The following OSBPL6 variants were observed in gnomAD, a reference collection of about 807,000 sequenced individuals.
The protein encoded by OSBPL6 is oxysterol-binding protein-related protein 6.
OSBPL6 carries 49 observed loss-of-function variants against 125.8 expected under a neutral mutation model. That is an observed-to-expected ratio of 0.39 (90% confidence interval 0.31 to 0.49). OSBPL6 has a LOEUF of 0.49. Ranked by LOEUF, OSBPL6 falls within the 20% of genes least tolerant of loss-of-function variation. OSBPL6 has a pLI of 0.88. For synonymous variants in OSBPL6, 394 were observed against 391.8 expected (o/e 1.01, Z -0.07); for missense variants, 986 against 1,135.4 (o/e 0.87, Z 1.89).
rs767140580 is a variant in OSBPL6 at position 178,221,305 on chromosome 2, G to GT, written c.-351+26632dup. 4.7e-4 allele frequency among the ~76,000 whole-genome samples: 72 copies of GT among 152,258 alleles called. 1 individual carries two copies. The highest frequency in any genetic ancestry group is 3.4e-3 in the Middle Eastern group (1 of 294). The stretch of plus-strand genomic sequence containing the variant: ...TTGTTTAAATTTGGGTGACCACAGG[G>GT]TATTGTCAGCTATTTTAGTGTAGGG... On this transcript the variant is annotated intron_variant, in intron 1 of 24. Coordinates refer to ENST00000190611, the MANE Select transcript of OSBPL6 (RefSeq NM_032523.4).
chr2:178,276,593 G>A (rs1366479710), intron 1 of OSBPL6, among the ~76,000 whole-genome samples: 8 of 151,834 alleles, frequency 5.3e-5, no homozygotes, highest in Admixed American at 1.3e-4. Context: ...GGCTGGTCTC[G>A]AACTCCTGAC....
At chr2:178,211,722 G>A (rs918190856) in intron 1 of OSBPL6, among the ~76,000 whole-genome samples, 6 of 152,054 alleles carry the variant, frequency 3.9e-5, no homozygotes, top group Admixed American at 2.6e-4. Context: ...GTCCCTTATT[G>A]CTGCCCTACC....
At chr2:178,209,255 G>A (rs1022618785) in intron 1 of OSBPL6, among the ~76,000 whole-genome samples, 5 of 151,790 alleles carry the variant, frequency 3.3e-5, no homozygotes, top group African/African-American at 2.4e-5. Flanking sequence ...GGATTCATTG[G>A]TTCTTTAATT....
intron 1 of OSBPL6, among the ~76,000 whole-genome samples, chr2:178,213,891 T>C (rs528525528): frequency 2.6e-5 from 4 of 152,336 alleles, no homozygotes; most frequent in African/African-American, 7.2e-5. Context: ...TACTGCCTGC[T>C]TGCCCTTCTC....
chr2:178,253,148 A>C (rs936837280), intron 1 of OSBPL6, among the ~76,000 whole-genome samples: 3 of 151,950 alleles, frequency 2.0e-5, no homozygotes, highest in African/African-American at 7.3e-5. Flanking sequence ...CGGCCTCCTG[A>C]GTAGCTGGGA....
chr2:178,387,669 G>A (rs1286585816), intron 20 of OSBPL6, among the ~76,000 whole-genome samples: 1 of 152,202 alleles, frequency 6.6e-6, no homozygotes, highest in Non-Finnish European at 1.5e-5. Flanking sequence ...AGAAGGTGAA[G>A]AGAGGGAGGT....
chr2:178,279,271 G>T (rs1683888910), intron 1 of OSBPL6, among the ~76,000 whole-genome samples: 1 of 152,184 alleles, frequency 6.6e-6, no homozygotes, highest in Non-Finnish European at 1.5e-5. Flanking sequence ...AGAGGAATGT[G>T]CGGGGAATGC....
intron 1 of OSBPL6, among the ~76,000 whole-genome samples, 193 bp from the exon 2 acceptor site, chr2:178,284,734 G>A (rs554106159): frequency 1.9e-4 from 29 of 152,310 alleles, no homozygotes; most frequent in African/African-American, 6.5e-4. Context: ...TACTGAGAAG[G>A]TCAGTGGTTA....
chr2:178,247,208 T>C (rs1435942674), intron 1 of OSBPL6, among the ~76,000 whole-genome samples: 1 of 152,192 alleles, frequency 6.6e-6, no homozygotes, highest in Non-Finnish European at 1.5e-5. Context: ...TTTGTCTATT[T>C]GTTTTGTTTT....
chr2:178,354,235 A>G (rs1247165953), intron 12 of OSBPL6, among the ~76,000 whole-genome samples: 1 of 152,240 alleles, frequency 6.6e-6, no homozygotes, highest in Non-Finnish European at 1.5e-5. Context: ...CACACATAAG[A>G]ATATTAACTT....
At chr2:178,294,278 T>A (rs1252297056) in intron 2 of OSBPL6, among the ~76,000 whole-genome samples, 1 of 152,064 alleles carries the variant, frequency 6.6e-6, no homozygotes, top group African/African-American at 2.4e-5. Flanking sequence ...TGAACCTAAT[T>A]GAAAAAGGAG....
intron 1 of OSBPL6, among the ~76,000 whole-genome samples, chr2:178,199,241 T>G (rs2153932132): frequency 6.6e-6 from 1 of 152,322 alleles, no homozygotes; most frequent in East Asian, 1.9e-4. Flanking sequence ...TGTGTCAGTA[T>G]CCAAAGGCAG....
intron 1 of OSBPL6, among the ~76,000 whole-genome samples, chr2:178,264,182 A>T (rs1157720448): frequency 3.3e-5 from 5 of 152,182 alleles, no homozygotes; most frequent in Admixed American, 3.3e-4. Flanking sequence ...CCCATAAAAC[A>T]TGAAAAAAAA....
At chr2:178,216,619 A>G (rs964671752) in intron 1 of OSBPL6, among the ~76,000 whole-genome samples, 9 of 152,250 alleles carry the variant, frequency 5.9e-5, no homozygotes, top group African/African-American at 2.2e-4. Flanking sequence ...TAAGGCAGGA[A>G]TTGTCAATGG....
intron 11 of OSBPL6, among the ~76,000 whole-genome samples, chr2:178,341,990 T>C (rs904410806): frequency 3.9e-5 from 6 of 152,264 alleles, no homozygotes; most frequent in Admixed American, 1.3e-4. Flanking sequence ...GAGAGAGGCA[T>C]AGCATCTAAT....
At chr2:178,225,444 T>A (rs1409002448) in intron 1 of OSBPL6, among the ~76,000 whole-genome samples, 4 of 152,062 alleles carry the variant, frequency 2.6e-5, no homozygotes, top group Non-Finnish European at 5.9e-5. Flanking sequence ...CCATAAATAT[T>A]GGACAGTGAA....
intron 1 of OSBPL6, among the ~76,000 whole-genome samples, chr2:178,243,129 T>A (rs998957150): frequency 3.9e-5 from 6 of 152,178 alleles, no homozygotes; most frequent in African/African-American, 1.4e-4. Context: ...TGTAATTTGC[T>A]GTAGTTAAGA....
intron 2 of OSBPL6, among the ~76,000 whole-genome samples, chr2:178,298,268 A>G (rs1172347984): frequency 6.6e-6 from 1 of 152,148 alleles, no homozygotes; most frequent in East Asian, 1.9e-4. Flanking sequence ...TTTTTTAAAT[A>G]TATTCATTCA....
Position 178,400,122 on chromosome 2 carries a change from C to A in OSBPL6, c.*4563C>A, listed in dbSNP as rs146660266. On this transcript the variant is annotated 3_prime_UTR_variant, in exon 25 of 25. Coordinates refer to ENST00000190611, the MANE Select transcript of OSBPL6 (RefSeq NM_032523.4). ...TTAATTCATAAAGTGAGCAATTGAACTTCTTAATACTGTTAGAGAATATGC... is the reference window on the plus strand; with the variant it reads ...TTAATTCATAAAGTGAGCAATTGAAATTCTTAATACTGTTAGAGAATATGC... 9.0e-4 allele frequency: 136 copies of A among 151,628 alleles called. No individual in the cohort carries two copies. Among genetic ancestry groups the A allele is most frequent in the African/African-American group, 3.1e-3 (129 of 41,248 alleles). 9.4% of individuals were successfully genotyped at this position (151,628 alleles called of 1,614,324 possible).
Sources: gnomAD v4.1 joint callset for allele counts (sites outside exome capture counted in the v4.1 genomes callset) on GRCh38, gnomAD v4.1.1 for gene constraint, MANE v1.5 for transcripts, NCBI Gene and HGNC (gene_info 2026-07-23, HGNC 2026-07-21) for gene names.